Variants in PPM1E observed in about 807,000 individuals in gnomAD.
The protein encoded by PPM1E is protein phosphatase, Mg2+/Mn2+ dependent 1E, also known as protein phosphatase 1E.
Under a neutral mutation model 65.9 loss-of-function variants are expected in PPM1E, and 20 were observed. The ratio of observed to expected loss-of-function variants is 0.30; its 90% CI spans 0.21 to 0.44. The LOEUF is 0.44. PPM1E is among the 20% of genes least tolerant of loss of function. The pLI, the probability that PPM1E is intolerant of heterozygous loss-of-function variation, is 1.00. For missense variants in PPM1E, 713 were observed against 953.1 expected (o/e 0.75, Z 3.32); for synonymous variants, 352 against 374.9 (o/e 0.94, Z 0.70).
chr17:58,786,562 T>C (rs1341104128), intron 1 of PPM1E, among the ~76,000 whole-genome samples: 2 of 152,074 alleles, frequency 1.3e-5, no homozygotes, highest in Non-Finnish European at 2.9e-5. Context: ...CAGGACGGAG[T>C]GGGATGATGC....
intron 1 of PPM1E, among the ~76,000 whole-genome samples, chr17:58,840,223 A>G (rs1450248760): frequency 1.3e-5 from 2 of 152,192 alleles, no homozygotes; most frequent in Non-Finnish European, 2.9e-5. Context: ...AGGTAAGATC[A>G]CTCAAGCCTT....
At chr17:58,880,200 C>T (rs1410526736) in intron 1 of PPM1E, among the ~76,000 whole-genome samples, 1 of 152,070 alleles carries the variant, frequency 6.6e-6, no homozygotes, top group African/African-American at 2.4e-5. Flanking sequence ...TGTTTTATTC[C>T]TTTTGGTATA....
At position 58,756,366 on chromosome 17, in the gene PPM1E, T is replaced by C; in HGVS notation, c.369T>C (p.Pro123=). ...CGCCGCCGCCGCCCCAGCTGCCGCC[T>C]TTGCCCCCGCTCCCGCGACCGCTGT... is the stretch of plus-strand genomic sequence containing the variant. ...AVPPPPPQLP[P]LPPLPRPLSE... Residue 123 remains proline (P), a synonymous_variant, in exon 1 of 7, where the codon CCT becomes CCC. Transcript: ENST00000308249. 7.3e-7 allele frequency: 1 copy of C among 1,375,886 alleles called. No individual in the cohort carries two copies. Among genetic ancestry groups the C allele is most frequent in the Non-Finnish European group, 9.4e-7 (1 of 1,066,924 alleles). 85.2% of individuals were successfully genotyped at this position (1,375,886 alleles called of 1,614,324 possible). A position where few individuals can be genotyped will look rare whatever the true frequency, so the allele number is the denominator to read the frequency against.
chr17:58,862,617 G>A (rs1293809193), intron 1 of PPM1E, among the ~76,000 whole-genome samples: 1 of 152,178 alleles, frequency 6.6e-6, no homozygotes, highest in African/African-American at 2.4e-5. Flanking sequence ...TTCAGGTAGA[G>A]GAAAATGACC....
chr17:58,797,682 C>T (rs1031609547), intron 1 of PPM1E, among the ~76,000 whole-genome samples: 4 of 152,172 alleles, frequency 2.6e-5, no homozygotes, highest in South Asian at 2.1e-4. Context: ...TGAACATTCT[C>T]GTGCAAGTCT....
intron 1 of PPM1E, among the ~76,000 whole-genome samples, chr17:58,774,100 T>C (rs1402348339): frequency 6.6e-6 from 1 of 151,854 alleles, no homozygotes; most frequent in Non-Finnish European, 1.5e-5. Flanking sequence ...AGGCAGATGT[T>C]GTAGTGAGCT....
chr17:58,840,058 A>G (rs549022450), intron 1 of PPM1E, among the ~76,000 whole-genome samples: 2 of 152,366 alleles, frequency 1.3e-5, no homozygotes, highest in Admixed American at 6.5e-5. Flanking sequence ...ATAAAAGGAT[A>G]CATATTAAAA....
chr17:58,856,360 T>G (rs1347680438), intron 1 of PPM1E, among the ~76,000 whole-genome samples: 5 of 152,284 alleles, frequency 3.3e-5, no homozygotes, highest in Non-Finnish European at 2.9e-5. Context: ...TGCCTCAGCC[T>G]CCCTAGTAGC....
intron 1 of PPM1E, among the ~76,000 whole-genome samples, chr17:58,936,646 T>A (rs1486028444): frequency 6.6e-6 from 1 of 152,208 alleles, no homozygotes; most frequent in Non-Finnish European, 1.5e-5. Flanking sequence ...AAATGCTTCC[T>A]GGCTTGGTTT....
chr17:58,847,185 G>A (rs2050780298), intron 1 of PPM1E, among the ~76,000 whole-genome samples: 1 of 151,950 alleles, frequency 6.6e-6, no homozygotes. Context: ...TTGTCAGGTG[G>A]GTAGATTGTA....
rs78976143 is a variant in PPM1E at position 58,932,531 on chromosome 17, A to G, written c.465-23118A>G. Among the ~76,000 whole-genome samples the G allele has an allele frequency of 9.2e-5, 14 of 152,314 alleles. 1 individual carries two copies. The East Asian group carries it at 2.7e-3, about 29-fold the overall frequency. ...GTAAAATCTAAGAACTAATTTATTA[A>G]CATAAATTATAAAAACAAACAAACA... On this transcript the variant is annotated intron_variant, in intron 1 of 6. Transcript: ENST00000308249.
At chr17:58,936,430 C>T (rs1169132666) in intron 1 of PPM1E, among the ~76,000 whole-genome samples, 8 of 152,128 alleles carry the variant, frequency 5.3e-5, no homozygotes, top group Non-Finnish European at 1.0e-4. Context: ...CTGCTCCAGA[C>T]GAGTCTCTCT....
At chr17:58,909,782 G>GGTTTTT (rs758292246) in intron 1 of PPM1E, among the ~76,000 whole-genome samples, 7 of 151,394 alleles carry the variant, frequency 4.6e-5, no homozygotes, top group African/African-American at 7.3e-5. Context: ...CTAGGTACAG[G>GGTTTTT]GTTTTTGTTT....
intron 1 of PPM1E, among the ~76,000 whole-genome samples, chr17:58,928,485 A>G (rs2051851814): frequency 6.6e-6 from 1 of 151,930 alleles, no homozygotes; most frequent in Non-Finnish European, 1.5e-5. Context: ...CTAAAATTAA[A>G]AAGACTGACA....
At chr17:58,789,243 G>A (rs570677061) in intron 1 of PPM1E, among the ~76,000 whole-genome samples, 6 of 152,270 alleles carry the variant, frequency 3.9e-5, no homozygotes, top group Admixed American at 3.3e-4. Flanking sequence ...TTTCATTTCA[G>A]TATATCCAAT....
At chr17:58,915,448 C>G (rs2051673476) in intron 1 of PPM1E, among the ~76,000 whole-genome samples, 1 of 152,154 alleles carries the variant, frequency 6.6e-6, no homozygotes, top group Non-Finnish European at 1.5e-5. Flanking sequence ...GCAAGGTCTT[C>G]AAGACCTGTG....
intron 1 of PPM1E, among the ~76,000 whole-genome samples, chr17:58,881,091 A>G (rs1409460534): frequency 6.6e-6 from 1 of 152,194 alleles, no homozygotes; most frequent in Non-Finnish European, 1.5e-5. Flanking sequence ...CTAATTAAGG[A>G]TAATATTCAC....
intron 1 of PPM1E, among the ~76,000 whole-genome samples, chr17:58,858,969 A>G (rs187047058): frequency 1.6e-3 from 244 of 152,346 alleles, no homozygotes; most frequent in Non-Finnish European, 2.6e-3. Context: ...GTCATTGTCA[A>G]CCTTAAATAA....
Position 58,982,791 on chromosome 17 carries a change from A to G in PPM1E, c.*1760A>G, listed in dbSNP as rs1363795752. ...TTGAAAAGGAGTCAACATGGCCCCA[A>G]CTATAGTGCCGGAACCTTTTCATCA... On this transcript the variant is annotated 3_prime_UTR_variant, in exon 7 of 7. Coordinates refer to ENST00000308249, the MANE Select transcript of PPM1E (RefSeq NM_014906.5). 9.2e-6 allele frequency: 8 copies of G among 870,802 alleles called. No individual in the cohort carries two copies. The highest frequency in any genetic ancestry group is 1.7e-5 in the African/African-American group (1 of 58,300). 53.9% of individuals were successfully genotyped at this position (870,802 alleles called of 1,614,324 possible). A position where few individuals can be genotyped will look rare whatever the true frequency, so the allele number is the denominator to read the frequency against.
Sources: gnomAD v4.1 joint callset for allele counts (sites outside exome capture counted in the v4.1 genomes callset) on GRCh38, gnomAD v4.1.1 for gene constraint, MANE v1.5 for transcripts, NCBI Gene and HGNC (gene_info 2026-07-23, HGNC 2026-07-21) for gene names.